The following PXK variants were observed in gnomAD, a reference collection of about 807,000 sequenced individuals.
PXK encodes the protein PX domain containing serine/threonine kinase like.
Under a neutral mutation model 84.7 loss-of-function variants are expected in PXK, and 35 were observed. The ratio of observed to expected loss-of-function variants is 0.41; its 90% CI spans 0.32 to 0.55. The LOEUF is 0.55. Among genes scored for constraint, PXK ranks in the 20% least tolerant of loss-of-function variants. PXK has a pLI of 0.21. For missense variants in PXK, 634 were observed against 699.7 expected (o/e 0.91, Z 1.06); for synonymous variants, 253 against 260.8 (o/e 0.97, Z 0.29).
intron 9 of PXK, 131 bp downstream of exon 9, chr3:58,395,890 T>C: frequency 1.5e-6 from 1 of 669,206 alleles, no homozygotes; most frequent in Non-Finnish European, 2.4e-6. Flanking sequence ...TGCATTGTCA[T>C]ATTTTGCCTC....
At chr3:58,337,488 T>A (rs755259281) in intron 1 of PXK, among the ~76,000 whole-genome samples, 21 of 152,224 alleles carry the variant, frequency 1.4e-4, no homozygotes, top group Non-Finnish European at 2.5e-4. Context: ...CTTTTTTTTT[T>A]CATTGTGAGA....
chr3:58,362,409 A>G (rs1320403077), intron 1 of PXK, among the ~76,000 whole-genome samples: 1 of 152,186 alleles, frequency 6.6e-6, no homozygotes, highest in African/African-American at 2.4e-5. Context: ...GTTGAGGTTC[A>G]TTTCATTGCT....
intron 7 of PXK, among the ~76,000 whole-genome samples, chr3:58,393,482 C>T (rs1028091452): frequency 6.6e-6 from 1 of 151,972 alleles, no homozygotes; most frequent in Non-Finnish European, 1.5e-5. Context: ...TGCTTTAAAA[C>T]CTGATTTTTT....
At position 58,390,662 on chromosome 3, in the gene PXK, G is replaced by A. The variant is rs1185327094; in HGVS notation, c.466+3G>A. 6.2e-7 allele frequency: 1 copy of A among 1,610,820 alleles called. No homozygotes were observed. Among genetic ancestry groups the A allele is most frequent in the South Asian group, 1.1e-5 (1 of 90,662 alleles). On this transcript the variant is annotated splice_donor_region_variant and intron_variant, in intron 5 of 17. Transcript: ENST00000356151. This position sits in a 1 kb window ranked among gnomAD's most constrained non-coding sequence, Gnocchi z 4.2. ...GGTGGAACCTTTGAAAGACATAGGT[G>A]AGACATTGGCACGCTCATTCTGTTA... is the stretch of plus-strand genomic sequence containing the variant.
At chr3:58,346,979 C>T (rs112364496) in intron 1 of PXK, among the ~76,000 whole-genome samples, 1 of 152,148 alleles carries the variant, frequency 6.6e-6, no homozygotes, top group Non-Finnish European at 1.5e-5. Flanking sequence ...GCTGGGACTA[C>T]AGGCGCGTGC....
At chr3:58,372,260 C>G (rs1268983270) in intron 3 of PXK, among the ~76,000 whole-genome samples, 3 of 152,068 alleles carry the variant, frequency 2.0e-5, no homozygotes, top group Non-Finnish European at 4.4e-5. Flanking sequence ...ATGTTCTGTA[C>G]TTTCCAAGTG....
chr3:58,343,843 A>G (rs73835184), intron 1 of PXK, among the ~76,000 whole-genome samples: 7,022 of 152,218 alleles, frequency 0.046, 575 homozygotes, highest in African/African-American at 0.16. Context: ...GCTGCTGACC[A>G]TTGTACCTGC....
chr3:58,390,645 C>T lies in PXK; in HGVS notation c.452C>T (p.Pro151Leu). 1 of 1,611,624 alleles carries T rather than the reference C, an allele frequency of 6.2e-7. No homozygotes were observed. The highest frequency in any genetic ancestry group is 8.5e-7 in the Non-Finnish European group (1 of 1,178,572). ...GAACCAAAGTGGGAGGTGGTGGAACCTTTGAAAGACATAGGTGAGACATTG... is the reference window on the plus strand; with the variant it reads ...GAACCAAAGTGGGAGGTGGTGGAACTTTTGAAAGACATAGGTGAGACATTG... ...RSEPKWEVVE[P>L]LKDIGWRIRK... The change falls in exon 5 of 18, where the codon CCT becomes CTT. Residue 151 changes from proline to leucine, a missense_variant. This residue lies in a region of PXK where 353 missense variants were observed against 385.2 expected (regional missense o/e 0.92). Coordinates refer to ENST00000356151, the MANE Select transcript of PXK (RefSeq NM_017771.5). This position sits in a 1 kb window ranked among gnomAD's most constrained non-coding sequence, Gnocchi z 4.2.
At chr3:58,378,556 C>T (rs188938116) in intron 3 of PXK, among the ~76,000 whole-genome samples, 37 of 97,646 alleles carry the variant, frequency 3.8e-4, no homozygotes, top group East Asian at 2.6e-3. Context: ...GTGTGTGTGA[C>T]GAAGTTTCGC....
chr3:58,386,938 G>A (rs1214033503), intron 4 of PXK, among the ~76,000 whole-genome samples: 2 of 152,200 alleles, frequency 1.3e-5, no homozygotes, highest in African/African-American at 2.4e-5. Flanking sequence ...GGGAGAGAGT[G>A]GGGAAAGAGG....
intron 12 of PXK, among the ~76,000 whole-genome samples, chr3:58,402,762 T>G (rs1280367147): frequency 6.6e-6 from 1 of 151,488 alleles, no homozygotes; most frequent in Admixed American, 6.6e-5. Context: ...ATACTTTTTT[T>G]TTTTTTTTTT....
intron 1 of PXK, among the ~76,000 whole-genome samples, chr3:58,347,358 C>G (rs1241293046): frequency 6.6e-6 from 1 of 152,150 alleles, no homozygotes; most frequent in African/African-American, 2.4e-5. Context: ...TTCATCGCTC[C>G]AGTTGTTTCC....
chr3:58,347,210 G>C (rs2097841602), intron 1 of PXK, among the ~76,000 whole-genome samples: 1 of 152,094 alleles, frequency 6.6e-6, no homozygotes, highest in East Asian at 1.9e-4. Flanking sequence ...TGGGCTCAAG[G>C]GATTAGATAA....
intron 1 of PXK, among the ~76,000 whole-genome samples, chr3:58,355,904 A>G (rs1306330139): frequency 6.6e-6 from 1 of 152,160 alleles, no homozygotes; most frequent in Non-Finnish European, 1.5e-5. Context: ...AGTCAGCAGG[A>G]CTTGGGTTCC....
At chr3:58,368,248 T>C (rs748385123) in intron 2 of PXK, among the ~76,000 whole-genome samples, 2 of 152,188 alleles carry the variant, frequency 1.3e-5, no homozygotes, top group Non-Finnish European at 2.9e-5. Context: ...ACCTCTAGGT[T>C]TTATGGCTTA....
intron 7 of PXK, among the ~76,000 whole-genome samples, chr3:58,394,337 A>C (rs1217865076): frequency 6.6e-6 from 1 of 152,214 alleles, no homozygotes; most frequent in Non-Finnish European, 1.5e-5. Context: ...CTCATTAAAT[A>C]ATTTGTCTTT....
intron 17 of PXK, chr3:58,422,809 A>C: frequency 1.0e-6 from 1 of 985,382 alleles, no homozygotes; most frequent in South Asian, 4.7e-5. Context: ...CAGTCTCTAG[A>C]TGGCCAGTGC....
At chr3:58,375,340 A>G (rs1254018935) in intron 3 of PXK, among the ~76,000 whole-genome samples, 1 of 152,174 alleles carries the variant, frequency 6.6e-6, no homozygotes, top group Non-Finnish European at 1.5e-5. Context: ...TCTTTCTTTA[A>G]TTGAAAAAAA....
chr3:58,418,014 T>C (rs977906025), intron 17 of PXK, among the ~76,000 whole-genome samples: 4 of 152,160 alleles, frequency 2.6e-5, no homozygotes, highest in Non-Finnish European at 4.4e-5. Flanking sequence ...GAGACGGGTT[T>C]TGCCATGTTG....
Sources: gnomAD v4.1 joint callset for allele counts (sites outside exome capture counted in the v4.1 genomes callset) on GRCh38, gnomAD v4.1.1 for gene constraint, gnomAD v4.1.1 regional missense constraint, Gnocchi (gnomAD v3.1) non-coding constraint, MANE v1.5 for transcripts, NCBI Gene and HGNC (gene_info 2026-07-23, HGNC 2026-07-21) for gene names.